The following PIK3R6 variants were observed in gnomAD, a reference collection of about 807,000 sequenced individuals.
The protein encoded by PIK3R6 is phosphoinositide-3-kinase regulatory subunit 6.
Under a neutral mutation model 84.9 loss-of-function variants are expected in PIK3R6, and 91 were observed. The ratio of observed to expected loss-of-function variants is 1.07; its 90% CI spans 0.90 to 1.28. The LOEUF is 1.28. PIK3R6 is among the 50% of genes most tolerant of loss of function. PIK3R6 has a pLI of 0.00. For missense variants in PIK3R6, 996 were observed against 985.1 expected, an observed-to-expected ratio of 1.01 and a Z score of -0.15; for synonymous variants, 416 against 411.4, an observed-to-expected ratio of 1.01 and a Z score of -0.13.
chr17:8,852,369 A>T (rs1163872219), intron 1 of PIK3R6, among the ~76,000 whole-genome samples: 1 of 152,250 alleles, frequency 6.6e-6, no homozygotes, highest in Admixed American at 6.5e-5. Context: ...ATATCAACTC[A>T]TTGAATTCAG....
At chr17:8,855,826 T>G (rs553190966) in intron 1 of PIK3R6, among the ~76,000 whole-genome samples, 4 of 152,360 alleles carry the variant, frequency 2.6e-5, no homozygotes, top group African/African-American at 9.6e-5. Context: ...CCGTAATCCC[T>G]AGCTTTTTCC....
rs2088304492 is a variant in PIK3R6, at chr17:8,832,917, C to A, written c.774G>T (p.Leu258=). Residue 258 remains leucine, a synonymous_variant, in exon 9 of 20, where the codon CTG becomes CTT. Transcript: ENST00000619866. ...CGCAGCGCCCCGCCGCGGGACCCAG[C>A]AGCGAGCAGTAAATCTCCTCCAGCC... ...VERLEEIYCS[L]LGPAAGRCGG... is the part of the protein sequence containing the mutation. 6.2e-7 allele frequency: 1 copy of A among 1,612,870 alleles called. No homozygotes were observed. Among genetic ancestry groups the A allele is most frequent in the Non-Finnish European group, 8.5e-7 (1 of 1,179,738 alleles).
At chr17:8,861,528 G>A (rs2089285056) in intron 1 of PIK3R6, among the ~76,000 whole-genome samples, 1 of 152,198 alleles carries the variant, frequency 6.6e-6, no homozygotes, top group Non-Finnish European at 1.5e-5. Context: ...GTTCTGAGGA[G>A]CATGATGAAA....
At chr17:8,836,673 A>G (rs1597414308) in intron 6 of PIK3R6, 57 bp from the exon 7 acceptor site, 5 of 1,612,868 alleles carry the variant, frequency 3.1e-6, no homozygotes, top group African/African-American at 1.3e-5. Context: ...CCCATTCTCC[A>G]CCTTCCTACA....
intron 1 of PIK3R6, among the ~76,000 whole-genome samples, chr17:8,852,738 CAAAA>C (rs34620144): frequency 9.8e-6 from 1 of 101,880 alleles, no homozygotes; most frequent in Non-Finnish European, 2.0e-5. Flanking sequence ...GACTCTGTCT[CAAAA>C]AAAAAAAAAA....
intron 15 of PIK3R6, 78 bp from the exon 16 acceptor site, chr17:8,822,735 G>A: frequency 1.4e-6 from 2 of 1,425,230 alleles, no homozygotes; most frequent in South Asian, 2.4e-5. Flanking sequence ...TCTGAGGGCA[G>A]GAGCTGAGCT....
chr17:8,845,992 C>T (rs2088807654), intron 2 of PIK3R6, among the ~76,000 whole-genome samples: 1 of 152,074 alleles, frequency 6.6e-6, no homozygotes, highest in African/African-American at 2.4e-5. Context: ...TCTCAATTGT[C>T]GATTTTTGTT....
chr17:8,828,328 G>T, intron 11 of PIK3R6, 138 bp from the exon 12 acceptor site: 1 of 998,844 alleles, frequency 1.0e-6, no homozygotes, highest in Non-Finnish European at 1.5e-6. Flanking sequence ...TCTACAAAAT[G>T]GGTACAGTAA....
chr17:8,829,135 T>A (rs1597399691), intron 10 of PIK3R6, 145 bp from the exon 11 acceptor site: 4 of 750,150 alleles, frequency 5.3e-6, no homozygotes, highest in Non-Finnish European at 8.1e-6. Flanking sequence ...GCACAGAGAC[T>A]CACACACAGA....
chr17:8,827,932 C>T (rs975051090), intron 12 of PIK3R6, among the ~76,000 whole-genome samples, 180 bp downstream of exon 12: 7 of 152,164 alleles, frequency 4.6e-5, no homozygotes, highest in Admixed American at 2.0e-4. Flanking sequence ...CATGCAACCC[C>T]CAGAGCACCG....
At chr17:8,866,424 C>T (rs986436161) in intron 1 of PIK3R6, among the ~76,000 whole-genome samples, 8 of 152,244 alleles carry the variant, frequency 5.3e-5, no homozygotes, top group African/African-American at 1.9e-4. Context: ...TGCCTGTAGT[C>T]CCAGCTACTT....
At position 8,823,171 on chromosome 17, in the gene PIK3R6, A is replaced by T. The variant is rs890303989; in HGVS notation, c.1627-85T>A. 21 of 1,095,708 alleles carry T rather than the reference A, an allele frequency of 1.9e-5. No homozygotes were observed. In the African/African-American group the frequency reaches 2.2e-4, roughly 11 times the overall value. 67.9% of individuals were successfully genotyped at this position (1,095,708 alleles called of 1,614,324 possible). On this transcript the variant is annotated intron_variant, in intron 14 of 19. Coordinates refer to ENST00000619866, the MANE Select transcript of PIK3R6 (RefSeq NM_001010855.4). ...GATTTCCAGGGATCCAGGGCCATGGAGAACCCTTCCACATAAAGAAGACCT... is the reference window on the plus strand; with the variant it reads ...GATTTCCAGGGATCCAGGGCCATGGTGAACCCTTCCACATAAAGAAGACCT...
At chr17:8,865,273 T>C (rs2089380201) in intron 1 of PIK3R6, among the ~76,000 whole-genome samples, 1 of 152,166 alleles carries the variant, frequency 6.6e-6, no homozygotes, top group Admixed American at 6.5e-5. Context: ...CAGCTCACCA[T>C]TGCTGGCTTC....
chr17:8,849,809 G>A lies in PIK3R6; in HGVS notation c.-15C>T, dbSNP rs554335177. 1.0e-4 allele frequency: 164 copies of A among 1,611,268 alleles called. No individual in the cohort carries two copies. The highest frequency in any genetic ancestry group is 2.0e-4 in the Admixed American group (12 of 59,738). ...GAGCTCTCCATGGGAGCCTTTGGGT[G>A]TAGGAGGAGGAGGATGTGGTTGTCT... is the stretch of plus-strand genomic sequence containing the variant. On this transcript the variant is annotated 5_prime_UTR_variant, in exon 2 of 20. Transcript: ENST00000619866.
intron 1 of PIK3R6, among the ~76,000 whole-genome samples, chr17:8,855,585 C>T (rs2089115837): frequency 6.6e-6 from 1 of 152,152 alleles, no homozygotes; most frequent in South Asian, 2.1e-4. Flanking sequence ...CACGGAGGAA[C>T]TGAAATTCTC....
rs538751448 is a variant in PIK3R6, at chr17:8,841,797, C to T, written c.14-2100G>A. On this transcript the variant is annotated intron_variant, in intron 2 of 19. Coordinates refer to ENST00000619866, the MANE Select transcript of PIK3R6 (RefSeq NM_001010855.4). ...ATGTACCTCGCTCCTCTCCCACTAC[C>T]GGGAGTTTAATGGAACCAGGTCCCC... Among the ~76,000 whole-genome samples, 65 of 152,174 alleles carry T rather than the reference C, an allele frequency of 4.3e-4. 1 individual carries two copies. In the South Asian group the frequency reaches 7.7e-3, roughly 18 times the overall value.
Position 8,803,907 on chromosome 17 carries a change from G to C in PIK3R6, c.2108+134C>G. ...AGTGGCCTCTGTCCATCCTCACCAAGGTTACCTGCCTGGCCACAGGATCTA... is the reference window on the plus strand; with the variant it reads ...AGTGGCCTCTGTCCATCCTCACCAACGTTACCTGCCTGGCCACAGGATCTA... On this transcript the variant is annotated intron_variant, in intron 19 of 19. Transcript: ENST00000619866. The surrounding 1 kb of genome is among the most constrained non-coding windows in gnomAD (Gnocchi z 5.0). The C allele has an allele frequency of 1.3e-6, 1 of 759,114 alleles. No homozygotes were observed. The highest frequency in any genetic ancestry group is 2.2e-6 in the Non-Finnish European group (1 of 451,956). 47.0% of individuals were successfully genotyped at this position (759,114 alleles called of 1,614,324 possible).
chr17:8,832,256 T>C (rs1264224429), intron 9 of PIK3R6, among the ~76,000 whole-genome samples: 1 of 152,218 alleles, frequency 6.6e-6, no homozygotes, highest in East Asian at 1.9e-4. Context: ...TGAGGTTTCA[T>C]TGATTTAATA....
chr17:8,823,611 G>T, intron 13 of PIK3R6, 114 bp from the exon 14 acceptor site: 2 of 698,122 alleles, frequency 2.9e-6, no homozygotes, highest in East Asian at 2.7e-5. Context: ...CACTAACCCA[G>T]TGCGTCCTTC....
Sources: allele counts gnomAD v4.1 joint callset (sites outside exome capture counted in the v4.1 genomes callset), GRCh38; gene constraint gnomAD v4.1.1; non-coding constraint Gnocchi (gnomAD v3.1); transcripts MANE v1.5; gene names NCBI Gene and HGNC (gene_info 2026-07-23, HGNC 2026-07-21).